The following TRAPPC9 variants were observed in gnomAD, a reference collection of about 807,000 sequenced individuals.
TRAPPC9 encodes the protein IKK2 binding protein.
TRAPPC9 carries 83 observed loss-of-function variants against 124.0 expected under a neutral mutation model. That is an observed-to-expected ratio of 0.67 (90% CI 0.56 to 0.80). TRAPPC9 has a LOEUF of 0.80. TRAPPC9 is among the 30% of genes least tolerant of loss of function. The probability of loss-of-function intolerance (pLI) is 0.00; values close to 1 mark genes in which losing one functional copy is unlikely to be tolerated. For synonymous variants in TRAPPC9, 638 were observed against 617.5 expected (o/e 1.03, Z -0.49); for missense variants, 1,302 against 1,508.3 (o/e 0.86, Z 2.27).
chr8:139,925,470 G>A (rs774843652), intron 19 of TRAPPC9, among the ~76,000 whole-genome samples: 8 of 152,090 alleles, frequency 5.3e-5, no homozygotes, highest in Non-Finnish European at 8.8e-5. Context: ...TGTAAAGGCC[G>A]GGCACGGTGG....
At chr8:140,444,687 C>T (rs1057459207) in intron 2 of TRAPPC9, among the ~76,000 whole-genome samples, 1 of 151,372 alleles carries the variant, frequency 6.6e-6, no homozygotes, top group Non-Finnish European at 1.5e-5. Context: ...ATGGTGAGAC[C>T]CCCCCCATCT....
chr8:140,156,041 T>C (rs1313088572), intron 17 of TRAPPC9, among the ~76,000 whole-genome samples: 2 of 152,148 alleles, frequency 1.3e-5, no homozygotes, highest in Admixed American at 6.5e-5. Flanking sequence ...AGCTGTATAA[T>C]TGAGGACAGT....
At chr8:140,322,524 T>C (rs2066622167) in intron 9 of TRAPPC9, among the ~76,000 whole-genome samples, 1 of 152,142 alleles carries the variant, frequency 6.6e-6, no homozygotes, top group Non-Finnish European at 1.5e-5. Flanking sequence ...TAAATAGAGA[T>C]ATGGCTTAAA....
chr8:139,948,047 A>G (rs1224984510), intron 19 of TRAPPC9, among the ~76,000 whole-genome samples: 1 of 151,116 alleles, frequency 6.6e-6, no homozygotes, highest in Non-Finnish European at 1.5e-5. Flanking sequence ...CCGTGGGAAC[A>G]TTACTGACCC....
intron 17 of TRAPPC9, among the ~76,000 whole-genome samples, chr8:140,204,240 T>C (rs544135396): frequency 8.2e-4 from 125 of 151,942 alleles, no homozygotes; most frequent in African/African-American, 2.8e-3. Flanking sequence ...CCATCAATGA[T>C]AGACTGGATT....
intron 3 of TRAPPC9, among the ~76,000 whole-genome samples, chr8:140,435,532 C>T (rs532256554): frequency 1.2e-4 from 18 of 152,352 alleles, no homozygotes; most frequent in African/African-American, 3.1e-4. Flanking sequence ...TGACTGCACA[C>T]GTAAAACAGG....
chr8:139,827,162 G>C (rs1345050479), intron 21 of TRAPPC9, among the ~76,000 whole-genome samples: 2 of 152,236 alleles, frequency 1.3e-5, no homozygotes, highest in Non-Finnish European at 2.9e-5. Flanking sequence ...AGAATGGTGA[G>C]CTAGAGCCCG....
At chr8:139,861,915 T>TG (rs34242343) in intron 21 of TRAPPC9, among the ~76,000 whole-genome samples, 87,172 of 151,864 alleles carry the variant, frequency 0.57, 26,099 homozygotes, top group African/African-American at 0.74. Flanking sequence ...GTCACCTCCC[T>TG]GGAAAGGGGA....
At position 140,353,632 on chromosome 8, in the gene TRAPPC9, G is replaced by A. The variant is rs1252692179; in HGVS notation, c.1495+6418C>T. On this transcript the variant is annotated intron_variant, in intron 9 of 22. Coordinates refer to ENST00000438773, the MANE Select transcript of TRAPPC9 (RefSeq NM_001160372.4). This position sits in a 1 kb window ranked among gnomAD's most constrained non-coding sequence, Gnocchi z 4.2. Reference sequence around the variant, plus strand: ...ATCCTGAAACGGCCAGCGCAAGGATGACCATCAGGCCGCGGGCCAGACCTG... The same window carrying A: ...ATCCTGAAACGGCCAGCGCAAGGATAACCATCAGGCCGCGGGCCAGACCTG... Among the ~76,000 whole-genome samples, 2 of 152,218 alleles carry A rather than the reference G, an allele frequency of 1.3e-5. No individual in the cohort carries two copies. Among genetic ancestry groups the A allele is most frequent in the Admixed American group, 1.3e-4 (2 of 15,286 alleles).
chr8:140,339,630 T>C (rs2067140036), intron 9 of TRAPPC9, among the ~76,000 whole-genome samples: 4 of 152,174 alleles, frequency 2.6e-5, no homozygotes, highest in South Asian at 4.1e-4. Context: ...GGAAGACCCA[T>C]AGTCCTTGTG....
chr8:139,944,624 T>C (rs1834101059), intron 19 of TRAPPC9, among the ~76,000 whole-genome samples: 1 of 152,180 alleles, frequency 6.6e-6, no homozygotes, highest in South Asian at 2.1e-4. Flanking sequence ...TATGTGAATA[T>C]GTAATTCATA....
At chr8:140,048,546 A>G (rs1390338936) in intron 17 of TRAPPC9, among the ~76,000 whole-genome samples, 1 of 152,138 alleles carries the variant, frequency 6.6e-6, no homozygotes, top group Non-Finnish European at 1.5e-5. Flanking sequence ...CAAGAGCTCC[A>G]TGGAACAGAC....
chr8:140,285,154 CT>C (rs776060480), intron 13 of TRAPPC9, among the ~76,000 whole-genome samples: 2 of 152,184 alleles, frequency 1.3e-5, no homozygotes, highest in Non-Finnish European at 2.9e-5. Flanking sequence ...CCAAAGCGGG[CT>C]AAAAATGAAC....
intron 21 of TRAPPC9, among the ~76,000 whole-genome samples, chr8:139,828,091 A>G (rs1825755550): frequency 6.7e-6 from 1 of 148,734 alleles, no homozygotes; most frequent in African/African-American, 2.4e-5. Context: ...TTTTAGCATG[A>G]GACTTGGAGG....
At chr8:140,088,088 A>G (rs901547555) in intron 17 of TRAPPC9, among the ~76,000 whole-genome samples, 2 of 152,048 alleles carry the variant, frequency 1.3e-5, no homozygotes, top group African/African-American at 4.8e-5. Context: ...CTCTGGCTAT[A>G]CAAGCCTCCC....
chr8:139,921,490 A>T (rs1832498686), intron 19 of TRAPPC9, among the ~76,000 whole-genome samples: 1 of 152,184 alleles, frequency 6.6e-6, no homozygotes, highest in Non-Finnish European at 1.5e-5. Flanking sequence ...TACGATACAG[A>T]ACTTTTAGCA....
At chr8:139,779,405 T>C (rs1250799271) in intron 21 of TRAPPC9, among the ~76,000 whole-genome samples, 2 of 152,060 alleles carry the variant, frequency 1.3e-5, no homozygotes, top group South Asian at 2.1e-4. Flanking sequence ...TATGGAAACA[T>C]GGATTAATAA....
chr8:140,377,221 T>C (rs1354048141), intron 7 of TRAPPC9, among the ~76,000 whole-genome samples: 1 of 152,248 alleles, frequency 6.6e-6, no homozygotes, highest in African/African-American at 2.4e-5. Context: ...TCATGTGTAC[T>C]TTAAAGATGA....
intron 9 of TRAPPC9, among the ~76,000 whole-genome samples, chr8:140,331,117 C>G (rs2066883310): frequency 6.6e-6 from 1 of 151,118 alleles, no homozygotes; most frequent in South Asian, 2.1e-4. Context: ...GGCATAAAAA[C>G]AGACTTGTAG....
Sources: allele counts gnomAD v4.1 joint callset (sites outside exome capture counted in the v4.1 genomes callset), GRCh38; gene constraint gnomAD v4.1.1; non-coding constraint Gnocchi (gnomAD v3.1); transcripts MANE v1.5; gene names NCBI Gene and HGNC (gene_info 2026-07-23, HGNC 2026-07-21).